ANK1: variants seen among roughly 807,000 people sequenced by gnomAD.
ANK1 encodes ankyrin 1.
ANK1 carries 51 observed loss-of-function variants against 210.4 expected under a neutral mutation model. The observed-to-expected ratio is 0.24, with a 90% CI of 0.19 to 0.31. ANK1 has a LOEUF of 0.31. Among genes scored for constraint, ANK1 ranks in the 10% least tolerant of loss-of-function variants. The probability of loss-of-function intolerance (pLI) is 1.00; values close to 1 mark genes in which losing one functional copy is unlikely to be tolerated. For synonymous variants in ANK1, 967 were observed against 1,025.9 expected (o/e 0.94, Z 1.10); for missense variants, 2,051 against 2,504.4 (o/e 0.82, Z 3.86).
At chr8:41,889,517 T>C (rs771030457) in intron 1 of ANK1, among the ~76,000 whole-genome samples, 9 of 152,240 alleles carry the variant, frequency 5.9e-5, no homozygotes, top group African/African-American at 1.9e-4. Flanking sequence ...TCCAGTCACA[T>C]TGGAAGCAAA....
intron 1 of ANK1, among the ~76,000 whole-genome samples, chr8:41,766,299 T>A (rs1586805371): frequency 6.6e-6 from 1 of 152,150 alleles, no homozygotes; most frequent in Non-Finnish European, 1.5e-5. Context: ...CCAGCCAGCA[T>A]AGCCTGGTAG....
At chr8:41,855,880 C>T (rs1252739496) in intron 1 of ANK1, among the ~76,000 whole-genome samples, 1 of 152,162 alleles carries the variant, frequency 6.6e-6, no homozygotes, top group African/African-American at 2.4e-5. Flanking sequence ...TCCAATTCAT[C>T]ATCTAGTGTA....
chr8:41,682,791 G>A (rs1816483438), intron 37 of ANK1, among the ~76,000 whole-genome samples: 1 of 152,224 alleles, frequency 6.6e-6, no homozygotes, highest in Admixed American at 6.5e-5. Context: ...TCAAAAGCGT[G>A]CCCCTCTGAC....
At chr8:41,866,670 GTC>G (rs1284832879) in intron 1 of ANK1, among the ~76,000 whole-genome samples, 2 of 152,148 alleles carry the variant, frequency 1.3e-5, no homozygotes, top group African/African-American at 2.4e-5. Flanking sequence ...TCTACTTTCT[GTC>G]TCTGTGCATT....
chr8:41,742,302 T>C (rs1414282903), intron 2 of ANK1, among the ~76,000 whole-genome samples: 2 of 152,216 alleles, frequency 1.3e-5, no homozygotes. Context: ...ACTCTTCCTG[T>C]CAAGAGAAGG....
intron 1 of ANK1, among the ~76,000 whole-genome samples, chr8:41,891,135 T>C (rs1819364770): frequency 1.3e-5 from 2 of 152,166 alleles, no homozygotes; most frequent in South Asian, 4.2e-4. Flanking sequence ...GAGGAAGGAA[T>C]CAATAACAGG....
chr8:41,778,279 A>G (rs1844541041), intron 1 of ANK1, among the ~76,000 whole-genome samples: 1 of 152,252 alleles, frequency 6.6e-6, no homozygotes, highest in African/African-American at 2.4e-5. Flanking sequence ...GTAAGATAAT[A>G]GCTCAAGAGA....
intron 1 of ANK1, among the ~76,000 whole-genome samples, chr8:41,864,261 A>G (rs1587495286): frequency 6.6e-6 from 1 of 152,054 alleles, no homozygotes; most frequent in East Asian, 1.9e-4. Context: ...AAAAAAAAAA[A>G]AAAAAAGGGT....
intron 1 of ANK1, among the ~76,000 whole-genome samples, chr8:41,862,518 C>T (rs1813467839): frequency 6.6e-6 from 1 of 152,102 alleles, no homozygotes; most frequent in South Asian, 2.1e-4. Flanking sequence ...AGGACACACT[C>T]AACATTTTTA....
chr8:41,892,413 A>G (rs989259145), intron 1 of ANK1, among the ~76,000 whole-genome samples: 2 of 151,758 alleles, frequency 1.3e-5, no homozygotes, highest in Non-Finnish European at 2.9e-5. Context: ...GGCAGAGGCC[A>G]CTCTCCAGGC....
At chr8:41,838,742 G>A (rs987018191) in intron 1 of ANK1, among the ~76,000 whole-genome samples, 2 of 145,684 alleles carry the variant, frequency 1.4e-5, no homozygotes, top group Non-Finnish European at 3.0e-5. Context: ...TCCAGCCTGG[G>A]GGACAAAGCA....
intron 1 of ANK1, among the ~76,000 whole-genome samples, chr8:41,864,127 G>T (rs887616699): frequency 6.6e-6 from 1 of 151,912 alleles, no homozygotes; most frequent in African/African-American, 2.4e-5. Context: ...GCAGGTGCCT[G>T]TAGTCCTAGC....
Position 41,674,324 on chromosome 8 carries a change from C to A in ANK1, c.4538-1412G>T, listed in dbSNP as rs190585926. On this transcript the variant is annotated intron_variant, in intron 37 of 42. Transcript: ENST00000289734. ...ACATGCACACACACACACTCACACA[C>A]TCTCTCTCACCCACACACTCACAGA... Among the ~76,000 whole-genome samples, 61 of 152,338 alleles carry A rather than the reference C, an allele frequency of 4.0e-4. No homozygotes were observed. The East Asian group carries it at 6.4e-3, about 16-fold the overall frequency.
chr8:41,656,278 G>A (rs1805684074), intron 42 of ANK1, among the ~76,000 whole-genome samples: 1 of 152,258 alleles, frequency 6.6e-6, no homozygotes, highest in African/African-American at 2.4e-5. Context: ...GGGAACCCAG[G>A]GATGGAGCGG....
At chr8:41,700,174 G>C (rs1237561121) in intron 22 of ANK1, among the ~76,000 whole-genome samples, 1 of 152,206 alleles carries the variant, frequency 6.6e-6, no homozygotes, top group African/African-American at 2.4e-5. Context: ...TGATGGAATG[G>C]AAGAACAACA....
upstream of ANK1, chr8:41,797,716 G>T (rs1021814016): frequency 5.3e-6 from 5 of 946,698 alleles, no homozygotes; most frequent in East Asian, 6.3e-5. The surrounding 1 kb of genome is among the most constrained non-coding windows in gnomAD (Gnocchi z 4.0). Flanking sequence ...ACGGGCGGGC[G>T]GAGGGGTGGC....
chr8:41,702,619 T>G (rs1823168140), intron 20 of ANK1, among the ~76,000 whole-genome samples: 1 of 152,230 alleles, frequency 6.6e-6, no homozygotes, highest in Admixed American at 6.5e-5. Flanking sequence ...ATCAGAATAC[T>G]CGGAAATCAC....
chr8:41,845,151 G>A (rs978761615), intron 1 of ANK1, among the ~76,000 whole-genome samples: 1 of 152,128 alleles, frequency 6.6e-6, no homozygotes, highest in Non-Finnish European at 1.5e-5. Flanking sequence ...TTGGGAGGCC[G>A]AGGCAGGCGG....
chr8:41,704,258 T>A lies in ANK1; in HGVS notation c.2196+116A>T. 2 of 1,378,062 alleles carry A rather than the reference T, an allele frequency of 1.5e-6. No individual in the cohort carries two copies. The highest frequency in any genetic ancestry group is 4.6e-5 in the East Asian group (2 of 43,756). The allele number at this position is 1,378,062 out of a possible 1,614,324, so 85.4% of individuals were successfully genotyped here. ...CATTAATGAAATGCATTTTCCCCCT[T>A]TCTTCCTTCAGGGTCCATGGTCAAA... On this transcript the variant is annotated intron_variant, in intron 19 of 42. Coordinates refer to ENST00000289734, the MANE Select transcript of ANK1 (RefSeq NM_000037.4). The surrounding 1 kb of genome is among the most constrained non-coding windows in gnomAD (Gnocchi z 4.1).
Sources: gnomAD v4.1 joint callset for allele counts (sites outside exome capture counted in the v4.1 genomes callset) on GRCh38, gnomAD v4.1.1 for gene constraint, Gnocchi (gnomAD v3.1) non-coding constraint, MANE v1.5 for transcripts, NCBI Gene and HGNC (gene_info 2026-07-23, HGNC 2026-07-21) for gene names.